PLXNB2: variants seen among roughly 807,000 people sequenced by gnomAD.
The protein encoded by PLXNB2 is plexin-B2.
Under a neutral mutation model 202.6 loss-of-function variants are expected in PLXNB2, and 85 were observed. The ratio of observed to expected loss-of-function variants is 0.42; its 90% CI spans 0.35 to 0.50. The LOEUF is 0.50. Ranked by LOEUF, PLXNB2 falls within the 20% of genes least tolerant of loss-of-function variation. The pLI is 0.02. For synonymous variants in PLXNB2, 1,239 were observed against 1,137.6 expected, an observed-to-expected ratio of 1.09 and a Z score of -1.79; for missense variants, 2,063 against 2,586.2, an observed-to-expected ratio of 0.80 and a Z score of 4.39.
rs2066863377 is a variant in PLXNB2 at position 50,291,456 on chromosome 22, G to C, written c.-13-859C>G. On this transcript the variant is annotated intron_variant, in intron 2 of 36. Transcript: ENST00000359337. The surrounding 1 kb of genome is among the most constrained non-coding windows in gnomAD (Gnocchi z 4.3). ...GGTGTGGGGTCTGTGCCTGGGTCCG[G>C]GTGGATGAGGGGGATGTGTGGTGTG... is the stretch of plus-strand genomic sequence containing the variant. 6.6e-6 allele frequency among the ~76,000 whole-genome samples: 1 copy of C among 152,154 alleles called. No homozygotes were observed. Among genetic ancestry groups the C allele is most frequent in the Non-Finnish European group, 1.5e-5 (1 of 68,024 alleles).
chr22:50,289,830 T>C lies in PLXNB2; in HGVS notation c.755A>G (p.Glu252Gly), dbSNP rs28561594. Residue 252 changes from glutamate (E) to glycine (G), a missense_variant, in exon 3 of 37, where the codon GAA becomes GGA. Around this residue, in one of 2 missense-constraint regions of PLXNB2, gnomAD observed 1,303 missense variants for 1,476.8 expected, o/e 0.88. Coordinates refer to ENST00000359337, the MANE Select transcript of PLXNB2 (RefSeq NM_012401.4). The surrounding 1 kb of genome is among the most constrained non-coding windows in gnomAD (Gnocchi z 8.0). ...CAGGTAGGAGTAGTAGTTGGGGTCT[T>C]CTCTGCACATGCGTGCCAGCAGCGT... Reference protein sequence around the residue: ...NRTLLARMCREDPNYYSYLEM... With the variant: ...NRTLLARMCRGDPNYYSYLEM... 6.2e-7 allele frequency: 1 copy of C among 1,613,300 alleles called. No homozygotes were observed. Among genetic ancestry groups the C allele is most frequent in the Non-Finnish European group, 8.5e-7 (1 of 1,180,036 alleles).
Position 50,281,162 on chromosome 22 carries a change from C to A in PLXNB2, c.3690G>T (p.Glu1230Asp). 1 of 1,613,178 alleles carries A rather than the reference C, an allele frequency of 6.2e-7. No homozygotes were observed. The highest frequency in any genetic ancestry group is 8.5e-7 in the Non-Finnish European group (1 of 1,179,914). ...CCAGCTGGGACTTGATCTTCTCATA[C>A]TCTCGTTCGGCCTGCTGGCTCTTCC... Reference protein sequence around the residue: ...YWRKSQQAEREYEKIKSQLEG... With the variant: ...YWRKSQQAERDYEKIKSQLEG... Residue 1230 changes from glutamate (E) to aspartate (D), a missense_variant, in exon 23 of 37, where the codon GAG (glutamate) becomes GAT (aspartate). By Grantham distance (45) the Glu-to-Asp change is conservative. This residue lies in a region of PLXNB2 where 760 missense variants were observed against 1,109.4 expected (regional missense o/e 0.69). Transcript: ENST00000359337.
rs200856270 is a variant in PLXNB2, at chr22:50,281,214, G to C, written c.3663-25C>G. On this transcript the variant is annotated intron_variant, in intron 22 of 36. Transcript: ENST00000359337. The stretch of plus-strand genomic sequence containing the variant: ...CCTGCAAGGCACAGCGGGCCTCCTA[G>C]GTTCTGCCGGGGCTGGCCGCTCAGC... 161 of 1,596,766 alleles carry C rather than the reference G, an allele frequency of 1.0e-4. No homozygotes were observed. In the East Asian group the frequency reaches 3.2e-3, roughly 32 times the overall value.
At position 50,302,834 on chromosome 22, in the gene PLXNB2, G is replaced by C. The variant is rs150160695; in HGVS notation, c.-74+4719C>G. On this transcript the variant is annotated intron_variant, in intron 1 of 36. Transcript: ENST00000359337. ...GGTGGGAGGGAGGCCCTGGTGTCAA[G>C]CCGGTAAGGCTGGAGCAAGGCTGGG... Among the ~76,000 whole-genome samples the C allele has an allele frequency of 2.6e-3, 401 of 152,056 alleles. 2 individuals carry two copies. The highest frequency in any genetic ancestry group is 8.4e-3 in the African/African-American group (348 of 41,474).
Position 50,282,780 on chromosome 22 carries a change from G to T in PLXNB2, c.2918C>A (p.Pro973His), listed in dbSNP as rs1420382741. 6.2e-7 allele frequency: 1 copy of T among 1,602,874 alleles called. No homozygotes were observed. Among genetic ancestry groups the T allele is most frequent in the South Asian group, 1.1e-5 (1 of 90,692 alleles). ...TTCGCGGTAGGTGAAGAAGATGCCG[G>T]GGTTGGGCACGGGGGACCCCCCGTA... is the stretch of plus-strand genomic sequence containing the variant. The part of the protein sequence containing the change: ...VSYGGSPVPN[P>H]GIFFTYRENP... Residue 973 changes from proline (P) to histidine (H), a missense_variant, in exon 18 of 37, where the codon CCC (proline) becomes CAC (histidine). Around this residue, in one of 2 missense-constraint regions of PLXNB2, gnomAD observed 1,303 missense variants for 1,476.8 expected, o/e 0.88. Transcript: ENST00000359337.
At chr22:50,298,561 T>A (rs2147670427) in intron 1 of PLXNB2, among the ~76,000 whole-genome samples, 1 of 152,270 alleles carries the variant, frequency 6.6e-6, no homozygotes, top group South Asian at 2.1e-4. Flanking sequence ...CCGCCCCAAG[T>A]CTTGGCTGCA....
In PLXNB2 at chr22:50,276,071, G is replaced by C; in HGVS notation, c.5338-108C>G. The C allele has an allele frequency of 2.9e-6, 3 of 1,017,564 alleles. No homozygotes were observed. The South Asian group carries it at 4.0e-5, about 13-fold the overall frequency. The allele number at this position is 1,017,564 out of a possible 1,614,324, so 63.0% of individuals were successfully genotyped here. On this transcript the variant is annotated intron_variant, in intron 35 of 36. Coordinates refer to ENST00000359337, the MANE Select transcript of PLXNB2 (RefSeq NM_012401.4). ...CGAGGCCTCCCCGGGGAAGCAGCTG[G>C]GGCCTTGGGCACAGCTGGCACTTGG...
rs770465194 is a variant in PLXNB2, at chr22:50,280,079, T to C, written c.4176-8A>G. 1 of 1,599,970 alleles carries C rather than the reference T, an allele frequency of 6.3e-7. No individual in the cohort carries two copies. The highest frequency in any genetic ancestry group is 8.5e-7 in the Non-Finnish European group (1 of 1,173,436). ...TCCACCACAGTCTCAGACCTGGGGG[T>C]GCAGGGAGGCCTTGTACCGAGTGAC... On this transcript the variant is annotated splice_polypyrimidine_tract_variant and splice_region_variant and intron_variant, in intron 25 of 36. Transcript: ENST00000359337.
intron 1 of PLXNB2, chr22:50,301,434 G>C: frequency 1.0e-6 from 1 of 982,288 alleles, no homozygotes; most frequent in Non-Finnish European, 1.2e-6. Context: ...GGCTACAGCA[G>C]GAACCACCAA....
At chr22:50,299,137 G>A (rs894006276) in intron 1 of PLXNB2, among the ~76,000 whole-genome samples, 11 of 152,230 alleles carry the variant, frequency 7.2e-5, no homozygotes, top group African/African-American at 2.7e-4. Flanking sequence ...GATCCAGGCA[G>A]CAGCCGCCAT....
intron 17 of PLXNB2, 80 bp downstream of exon 17, chr22:50,282,970 C>T: frequency 3.8e-6 from 6 of 1,563,280 alleles, no homozygotes; most frequent in Non-Finnish European, 5.2e-6. Flanking sequence ...CCCCTCAGGG[C>T]CACTCAGGTC....
At chr22:50,299,300 T>TGG (rs1168668072) in intron 1 of PLXNB2, among the ~76,000 whole-genome samples, 1,654 of 64,522 alleles carry the variant, frequency 0.026, 14 homozygotes, top group African/African-American at 0.039. Context: ...CTGCGTGGGG[T>TGG]GGGGGGGGGG....
chr22:50,286,004 C>T lies in PLXNB2; in HGVS notation c.1972G>A (p.Val658Ile), dbSNP rs201060198. The T allele has an allele frequency of 1.3e-4, 202 of 1,612,422 alleles. 1 individual carries two copies. The highest frequency in any genetic ancestry group is 7.8e-4 in the East Asian group (35 of 44,882). The change falls in exon 10 of 37, where the codon GTC becomes ATC. Residue 658 changes from valine to isoleucine, a missense_variant. Physicochemically the swap from Val to Ile is conservative, Grantham distance 29 (BLOSUM62 3). Around this residue, in one of 2 missense-constraint regions of PLXNB2, gnomAD observed 1,303 missense variants for 1,476.8 expected, o/e 0.88. Transcript: ENST00000359337. ...EASPNPEDGI[V>I]RAHMEDSCPQ... ...AGGCCCCTCACCATGTGGGCACGGA[C>T]GATGCCGTCCTCAGGGTTGGGCGAA... is the stretch of plus-strand genomic sequence containing the variant.
chr22:50,282,574 G>A (rs28404597), intron 18 of PLXNB2, 137 bp downstream of exon 18: 169,306 of 667,734 alleles, frequency 0.25, 22,557 homozygotes, highest in South Asian at 0.48. Context: ...GATCTGGAGT[G>A]CAGTGGGGTT....
At chr22:50,278,775 T>G in intron 28 of PLXNB2, 79 bp from the exon 29 acceptor site, 1 of 1,589,348 alleles carries the variant, frequency 6.3e-7, no homozygotes, top group Non-Finnish European at 8.6e-7. Flanking sequence ...ATGAGAAAGC[T>G]GGCCAGGCAG....
At chr22:50,303,204 G>C (rs2067772060) in intron 1 of PLXNB2, among the ~76,000 whole-genome samples, 2 of 152,176 alleles carry the variant, frequency 1.3e-5, no homozygotes, top group African/African-American at 4.8e-5. Context: ...GCTGAGGACA[G>C]AGCATGGACC....
At chr22:50,282,990 G>A (rs894144413) in intron 17 of PLXNB2, 60 bp downstream of exon 17, 42 of 1,574,746 alleles carry the variant, frequency 2.7e-5, no homozygotes, top group Admixed American at 1.4e-4. Flanking sequence ...CTCAGTAAGT[G>A]CCCCCCTCCA....
chr22:50,288,678 G>T lies in PLXNB2; in HGVS notation c.1380+65C>A, dbSNP rs2066644409. ...CTCTGGCCCCCAGGCCTGTCCTAAGGGCCTGGGATGCAATGACCGGGCACA... is the reference window on the plus strand; with the variant it reads ...CTCTGGCCCCCAGGCCTGTCCTAAGTGCCTGGGATGCAATGACCGGGCACA... On this transcript the variant is annotated intron_variant, in intron 5 of 36. Coordinates refer to ENST00000359337, the MANE Select transcript of PLXNB2 (RefSeq NM_012401.4). This position sits in a 1 kb window ranked among gnomAD's most constrained non-coding sequence, Gnocchi z 5.0. 1.3e-6 allele frequency: 2 copies of T among 1,595,362 alleles called. No homozygotes were observed. The highest frequency in any genetic ancestry group is 4.5e-5 in the East Asian group (2 of 44,716).
At position 50,282,213 on chromosome 22, in the gene PLXNB2, G is replaced by A. The variant is rs368989847; in HGVS notation, c.3088C>T (p.Arg1030Trp). The A allele has an allele frequency of 5.9e-5, 95 of 1,611,530 alleles. No homozygotes were observed. Among genetic ancestry groups the A allele is most frequent in the Admixed American group, 2.3e-4 (14 of 59,956 alleles). Residue 1030 changes from arginine (R) to tryptophan (W), a missense_variant, in exon 19 of 37, where the codon CGG (arginine) becomes TGG (tryptophan). Arg to Trp is a moderately radical substitution (Grantham distance 101). This residue lies in a region of PLXNB2 where 1,303 missense variants were observed against 1,476.8 expected (regional missense o/e 0.88). Coordinates refer to ENST00000359337, the MANE Select transcript of PLXNB2 (RefSeq NM_012401.4). ...ATGGGCTGCAGGGATTCAGCCTCCCGCGGCGGCTGCCAGGACTGCAGGGGC... is the reference window on the plus strand; with the variant it reads ...ATGGGCTGCAGGGATTCAGCCTCCCACGGCGGCTGCCAGGACTGCAGGGGC... Reference protein sequence around the residue: ...AEPLQSWQPPREAESLQPMTV... With the variant: ...AEPLQSWQPPWEAESLQPMTV...
Sources: gnomAD v4.1 joint callset for allele counts (sites outside exome capture counted in the v4.1 genomes callset) on GRCh38, gnomAD v4.1.1 for gene constraint, gnomAD v4.1.1 regional missense constraint, Gnocchi (gnomAD v3.1) non-coding constraint, MANE v1.5 for transcripts, NCBI Gene and HGNC (gene_info 2026-07-23, HGNC 2026-07-21) for gene names.